Variants in KATNAL1 observed in about 807,000 individuals in gnomAD.
The protein encoded by KATNAL1 is katanin catalytic subunit A1 like 1.
A neutral mutation model predicts 55.2 loss-of-function variants in KATNAL1; 32 were observed. The observed-to-expected ratio is 0.58, with a 90% CI of 0.44 to 0.78. KATNAL1 has a LOEUF of 0.78. KATNAL1 is among the 30% of genes least tolerant of loss of function. The pLI, the probability that KATNAL1 is intolerant of heterozygous loss-of-function variation, is 0.00. For synonymous variants in KATNAL1, 193 were observed against 193.6 expected, an observed-to-expected ratio of 1.00 and a Z score of 0.02; for missense variants, 466 against 600.9, an observed-to-expected ratio of 0.78 and a Z score of 2.35.
intron 4 of KATNAL1, among the ~76,000 whole-genome samples, chr13:30,247,028 A>G (rs1188178353): frequency 1.3e-5 from 2 of 152,200 alleles, no homozygotes; most frequent in Non-Finnish European, 2.9e-5. Flanking sequence ...TATTAATCCT[A>G]AAAGTCCTAT....
chr13:30,226,725 C>T (rs1875509494), intron 9 of KATNAL1, among the ~76,000 whole-genome samples: 2 of 152,266 alleles, frequency 1.3e-5, no homozygotes, highest in East Asian at 3.9e-4. Flanking sequence ...AATTTTACCT[C>T]AAAATAAAAA....
chr13:30,296,076 G>T, intron 1 of KATNAL1: 2 of 282,928 alleles, frequency 7.1e-6, no homozygotes, highest in Non-Finnish European at 6.6e-6. Flanking sequence ...AGTCACATGG[G>T]CACTGAGAAC....
chr13:30,228,120 A>G (rs543111409), intron 8 of KATNAL1, among the ~76,000 whole-genome samples: 2 of 152,338 alleles, frequency 1.3e-5, no homozygotes, highest in South Asian at 4.1e-4. Context: ...AGATAAAAAT[A>G]ACCAAACCAA....
chr13:30,285,956 T>TG (rs1467604581), intron 1 of KATNAL1, among the ~76,000 whole-genome samples: 9 of 152,230 alleles, frequency 5.9e-5, no homozygotes, highest in African/African-American at 1.9e-4. Context: ...TTATGGTATC[T>TG]GGCAGAATAA....
intron 1 of KATNAL1, among the ~76,000 whole-genome samples, chr13:30,297,325 A>G (rs1421890239): frequency 6.6e-6 from 1 of 152,166 alleles, no homozygotes; most frequent in East Asian, 1.9e-4. Flanking sequence ...ACCAATAAAA[A>G]GATTAAGACT....
intron 3 of KATNAL1, among the ~76,000 whole-genome samples, chr13:30,264,560 A>G (rs928775113): frequency 6.6e-6 from 1 of 151,432 alleles, no homozygotes; most frequent in African/African-American, 2.4e-5. Flanking sequence ...AAAGTGGGTT[A>G]AGGACATGAA....
intron 6 of KATNAL1, 64 bp from the exon 7 acceptor site, chr13:30,231,536 T>TATAAATGTA: frequency 9.1e-7 from 1 of 1,093,478 alleles, no homozygotes; most frequent in Non-Finnish European, 1.2e-6. Context: ...TAAATTATCA[T>TATAAATGTA]CAGCTATTAA....
rs1872862774 is a variant in KATNAL1, at chr13:30,203,608, A to G, written c.*4932T>C. 1.3e-5 allele frequency: 2 copies of G among 152,196 alleles called. No individual in the cohort carries two copies. Among genetic ancestry groups the G allele is most frequent in the Non-Finnish European group, 2.9e-5 (2 of 68,026 alleles). 9.4% of individuals were successfully genotyped at this position (152,196 alleles called of 1,614,324 possible). On this transcript the variant is annotated 3_prime_UTR_variant, in exon 11 of 11. Transcript: ENST00000380615. Reference sequence around the variant, plus strand: ...CCTACACACTGTTGGTAATAAAGCAATATCTAGGGTTTTTTTCATTTATTT... The same window carrying G: ...CCTACACACTGTTGGTAATAAAGCAGTATCTAGGGTTTTTTTCATTTATTT...
At chr13:30,265,143 T>C (rs1879644067) in intron 3 of KATNAL1, among the ~76,000 whole-genome samples, 2 of 150,226 alleles carry the variant, frequency 1.3e-5, no homozygotes, top group Admixed American at 6.6e-5. Flanking sequence ...AAACACCGCA[T>C]ATTCTCACTC....
intron 4 of KATNAL1, among the ~76,000 whole-genome samples, chr13:30,244,579 C>T (rs1025600921): frequency 6.6e-6 from 1 of 152,094 alleles, no homozygotes; most frequent in Non-Finnish European, 1.5e-5. Flanking sequence ...ATATCCTTTC[C>T]AGCAAACCCT....
intron 9 of KATNAL1, among the ~76,000 whole-genome samples, chr13:30,224,066 A>G (rs1311933140): frequency 2.0e-5 from 3 of 152,174 alleles, no homozygotes; most frequent in African/African-American, 7.2e-5. Flanking sequence ...CACCCCAATT[A>G]TTTGGCTCCC....
chr13:30,280,032 G>C (rs748127258), intron 3 of KATNAL1, 31 bp downstream of exon 3: 3 of 1,562,770 alleles, frequency 1.9e-6, no homozygotes, highest in Non-Finnish European at 2.6e-6. Flanking sequence ...TTAACTAGAA[G>C]CACCTAAAGA....
intron 3 of KATNAL1, among the ~76,000 whole-genome samples, chr13:30,265,308 G>A (rs1042806321): frequency 2.0e-5 from 3 of 151,444 alleles, no homozygotes; most frequent in Non-Finnish European, 4.4e-5. Context: ...CACCAGCATG[G>A]CATATGTATA....
intron 3 of KATNAL1, among the ~76,000 whole-genome samples, chr13:30,273,030 A>C: frequency 6.6e-6 from 1 of 152,054 alleles, no homozygotes; most frequent in South Asian, 2.1e-4. Context: ...CTCCCTCTAC[A>C]TGTGCATTAG....
At chr13:30,233,875 T>C (rs1015140897) in intron 6 of KATNAL1, among the ~76,000 whole-genome samples, 6 of 152,122 alleles carry the variant, frequency 3.9e-5, no homozygotes, top group Non-Finnish European at 1.5e-5. Context: ...TTTCATTCAT[T>C]TGTGGGAGCT....
intron 4 of KATNAL1, among the ~76,000 whole-genome samples, chr13:30,245,554 G>C (rs961871183): frequency 6.6e-6 from 1 of 151,988 alleles, no homozygotes; most frequent in African/African-American, 2.4e-5. Context: ...TTCTGGCCAG[G>C]GCAATCAGGA....
At chr13:30,302,678 G>GA (rs2137574933) in intron 1 of KATNAL1, among the ~76,000 whole-genome samples, 1 of 152,238 alleles carries the variant, frequency 6.6e-6, no homozygotes, top group South Asian at 2.1e-4. Context: ...AAAATACATT[G>GA]TTTTTTGGAG....
intron 4 of KATNAL1, among the ~76,000 whole-genome samples, chr13:30,254,465 T>A (rs1236651680): frequency 6.6e-6 from 1 of 152,188 alleles, no homozygotes. Context: ...TTGAACTATC[T>A]CATAAATAGA....
chr13:30,202,747 A>G lies in KATNAL1; in HGVS notation c.*5793T>C, dbSNP rs879029502. Reference sequence around the variant, plus strand: ...GTAAGGAAAAACACATTTAATAAATACAACTTGGAAACGTCTTTTTCTTTA... The same window carrying G: ...GTAAGGAAAAACACATTTAATAAATGCAACTTGGAAACGTCTTTTTCTTTA... On this transcript the variant is annotated 3_prime_UTR_variant, in exon 11 of 11. Transcript: ENST00000380615. 1.3e-5 allele frequency: 2 copies of G among 152,240 alleles called. No individual in the cohort carries two copies. The highest frequency in any genetic ancestry group is 2.9e-5 in the Non-Finnish European group (2 of 68,038). The allele number at this position is 152,240 out of a possible 1,614,324, so 9.4% of individuals were successfully genotyped here.
Sources: gnomAD v4.1 joint callset for allele counts (sites outside exome capture counted in the v4.1 genomes callset) on GRCh38, gnomAD v4.1.1 for gene constraint, MANE v1.5 for transcripts, NCBI Gene and HGNC (gene_info 2026-07-23, HGNC 2026-07-21) for gene names.